AADACL4: variants seen among roughly 807,000 people sequenced by gnomAD.
AADACL4 encodes the protein arylacetamide deacetylase like 4.
AADACL4 carries 9 observed loss-of-function variants against 14.1 expected under a neutral mutation model. The ratio of observed to expected loss-of-function variants is 0.64; its 90% CI spans 0.39 to 1.12. The LOEUF (loss-of-function observed/expected upper bound fraction) is 1.12, where lower values mean the gene tolerates loss of function less well. Among genes scored for constraint, AADACL4 ranks in the 50% most tolerant of loss-of-function variants. AADACL4 has a pLI of 0.01. For missense variants in AADACL4, 531 were observed against 516.1 expected, an observed-to-expected ratio of 1.03 and a Z score of -0.28; for synonymous variants, 188 against 201.6, an observed-to-expected ratio of 0.93 and a Z score of 0.57.
chr1:12,659,296 A>G (rs1647208750), intron 2 of AADACL4, among the ~76,000 whole-genome samples: 1 of 152,192 alleles, frequency 6.6e-6, no homozygotes, highest in Non-Finnish European at 1.5e-5. Flanking sequence ...TCATGATAAC[A>G]CAGGTGGCAT....
At position 12,651,203 on chromosome 1, in the gene AADACL4, G is replaced by T. The variant is rs768757535; in HGVS notation, c.249G>T (p.Lys83Asn). ...RFLHDSVRIKKDPELVVTDLR... is the reference protein window; with the variant it reads ...RFLHDSVRIKNDPELVVTDLR... The stretch of plus-strand genomic sequence containing the variant: ...TACATGATAGCGTGAGAATTAAAAA[G>T]GACCCTGAACTTGTGGTGACCGACC... The change falls in exon 2 of 4, where the codon AAG becomes AAT. Residue 83 changes from lysine (K) to asparagine (N), a missense_variant. By Grantham distance (94) the Lys-to-Asn change is moderately conservative. Coordinates refer to ENST00000376221, the MANE Select transcript of AADACL4 (RefSeq NM_001013630.2). 19 of 1,614,226 alleles carry T rather than the reference G, an allele frequency of 1.2e-5. No individual in the cohort carries two copies. The highest frequency in any genetic ancestry group is 1.6e-5 in the Non-Finnish European group (19 of 1,180,040).
In AADACL4 at chr1:12,644,463, G is replaced by A. The variant is rs74057606; in HGVS notation, c.-84G>A. 30,791 of 1,486,934 alleles carry A rather than the reference G, an allele frequency of 0.021. 640 individuals carry two copies. The highest frequency in any genetic ancestry group is 0.1 in the African/African-American group (7,241 of 71,442). The allele number at this position is 1,486,934 out of a possible 1,614,324, so 92.1% of individuals were successfully genotyped here. The stretch of plus-strand genomic sequence containing the variant: ...CCAGAGAGAGTGAGGTGGAGGAGGC[G>A]GAGGGTGTAACCCAGCCAGGTCCTC... On this transcript the variant is annotated 5_prime_UTR_variant, in exon 1 of 4. Coordinates refer to ENST00000376221, the MANE Select transcript of AADACL4 (RefSeq NM_001013630.2).
intron 2 of AADACL4, among the ~76,000 whole-genome samples, chr1:12,655,248 T>C (rs1447965675): frequency 6.6e-6 from 1 of 152,168 alleles, no homozygotes; most frequent in African/African-American, 2.4e-5. Context: ...CTGTAGTTTT[T>C]GGAGGATAAG....
At chr1:12,647,300 C>T (rs547418731) in intron 1 of AADACL4, among the ~76,000 whole-genome samples, 20 of 152,108 alleles carry the variant, frequency 1.3e-4, no homozygotes, top group Middle Eastern at 6.8e-3. Flanking sequence ...GGTCTTGCTA[C>T]GTTGCCAAGG....
chr1:12,658,139 C>CCTTCCTTCCTTTCTTT (rs1439797569), intron 2 of AADACL4, among the ~76,000 whole-genome samples: 28 of 84,854 alleles, frequency 3.3e-4, no homozygotes, highest in Admixed American at 1.6e-3. Context: ...TTCCTTCCTT[C>CCTTCCTTCCTTTCTTT]CTTTCTTTCT....
intron 1 of AADACL4, 128 bp downstream of exon 1, chr1:12,644,842 T>C (rs1647099856): frequency 9.4e-7 from 1 of 1,065,824 alleles, no homozygotes; most frequent in Non-Finnish European, 1.4e-6. Context: ...GATAGACTTG[T>C]CTCTTCTGTA....
chr1:12,651,909 A>G (rs1360697690), intron 2 of AADACL4, among the ~76,000 whole-genome samples: 1 of 149,964 alleles, frequency 6.7e-6, no homozygotes, highest in African/African-American at 2.5e-5. Context: ...GCTCACTGCA[A>G]GCTGCGCCTC....
At chr1:12,657,696 T>A (rs200858000) in intron 2 of AADACL4, among the ~76,000 whole-genome samples, 2 of 152,072 alleles carry the variant, frequency 1.3e-5, no homozygotes, top group Non-Finnish European at 2.9e-5. Flanking sequence ...TCCTGGAAAA[T>A]GGCGGAGTTT....
chr1:12,666,288 T>C lies in AADACL4; in HGVS notation c.777T>C (p.Ile259=), dbSNP rs1481218063. 3 of 1,614,116 alleles carry C rather than the reference T, an allele frequency of 1.9e-6. No individual in the cohort carries two copies. The highest frequency in any genetic ancestry group is 2.2e-5 in the East Asian group (1 of 44,896). ...MVTSLCNYLA[I]DLSWRDAILN... ...CTTCTCTGTGTAACTATCTGGCCAT[T>C]GACCTCTCCTGGCGTGACGCCATCT... The change falls in exon 4 of 4, where the codon ATT becomes ATC. Residue 259 remains isoleucine, a synonymous_variant. Transcript: ENST00000376221.
At chr1:12,646,795 C>A (rs542868438) in intron 1 of AADACL4, among the ~76,000 whole-genome samples, 18 of 152,302 alleles carry the variant, frequency 1.2e-4, no homozygotes, top group Middle Eastern at 3.4e-3. Context: ...CTTGTGGCGT[C>A]CTCTCTCGAT....
rs745800653 is a variant in AADACL4 at position 12,661,807 on chromosome 1, G to C, written c.402G>C (p.Leu134=). Residue 134 remains leucine (L), a synonymous_variant, in exon 3 of 4, where the codon CTG becomes CTC. Transcript: ENST00000376221. ...VFGSLDCYHG[L]CNYLARETES... ...GTCTTGCAGATTGTTACCATGGCCT[G>C]TGCAATTATCTGGCCCGGGAGACTG... 1.2e-6 allele frequency: 2 copies of C among 1,614,168 alleles called. No homozygotes were observed. The highest frequency in any genetic ancestry group is 8.5e-7 in the Non-Finnish European group (1 of 1,180,030).
chr1:12,651,323 AGTATTTGGGAGCCTGG>A lies in AADACL4; in HGVS notation c.373_385+3del. On this transcript the variant is annotated frameshift_variant and splice_region_variant, in exon 2 of 4. Transcript: ENST00000376221. LOFTEE classifies it high-confidence loss of function. ...TCATCTTCTACCATGGAGGGGCCACAGTATTTGGGAGCCTGGGTAAGGGGCTTCCCTGTGGCTTTGT... is the reference window on the plus strand; with the variant it reads ...TCATCTTCTACCATGGAGGGGCCACAGTAAGGGGCTTCCCTGTGGCTTTGT... 6.2e-7 allele frequency: 1 copy of A among 1,614,172 alleles called. No individual in the cohort carries two copies.
chr1:12,660,081 G>A (rs755459871), intron 2 of AADACL4, among the ~76,000 whole-genome samples: 2 of 152,230 alleles, frequency 1.3e-5, no homozygotes, highest in East Asian at 1.9e-4. Flanking sequence ...GCCTTCCAAA[G>A]TGTTGGGGTT....
At chr1:12,647,103 T>A (rs1647116670) in intron 1 of AADACL4, among the ~76,000 whole-genome samples, 1 of 151,140 alleles carries the variant, frequency 6.6e-6, no homozygotes, top group Admixed American at 6.6e-5. Flanking sequence ...TTTTTTTTTT[T>A]TTTTTTCTGA....
intron 1 of AADACL4, among the ~76,000 whole-genome samples, chr1:12,647,412 T>C (rs1248176300): frequency 1.3e-5 from 2 of 151,986 alleles, no homozygotes; most frequent in African/African-American, 4.8e-5. Flanking sequence ...GGGAGGCTTT[T>C]TATAGGGTGA....
At chr1:12,647,290 G>A (rs990624870) in intron 1 of AADACL4, among the ~76,000 whole-genome samples, 3 of 151,940 alleles carry the variant, frequency 2.0e-5, no homozygotes, top group African/African-American at 7.3e-5. Flanking sequence ...GTACAGATGG[G>A]GTCTTGCTAC....
At chr1:12,645,500 C>T (rs1464049942) in intron 1 of AADACL4, among the ~76,000 whole-genome samples, 3 of 152,112 alleles carry the variant, frequency 2.0e-5, no homozygotes, top group African/African-American at 7.2e-5. Context: ...CAGCCGCGCA[C>T]ACTTTCACCC....
chr1:12,645,286 C>T (rs1182018084), intron 1 of AADACL4, among the ~76,000 whole-genome samples: 1 of 117,044 alleles, frequency 8.5e-6, no homozygotes, highest in African/African-American at 3.2e-5. Context: ...TTCCTTGTTT[C>T]CTTCCTACCT....
chr1:12,665,967 C>A lies in AADACL4; in HGVS notation c.456C>A (p.Arg152=). ...TESVLLMIGY[R]KLPDHHSPAL... ...CTCCCTGTTTTCGTTTTAGGTACCG[C>A]AAGCTTCCTGACCACCATTCCCCTG... Residue 152 remains arginine (R), a synonymous_variant, in exon 4 of 4, where the codon CGC becomes CGA. Transcript: ENST00000376221. 6.2e-7 allele frequency: 1 copy of A among 1,603,732 alleles called. No homozygotes were observed. The highest frequency in any genetic ancestry group is 8.5e-7 in the Non-Finnish European group (1 of 1,173,058).
Sources: gnomAD v4.1 joint callset for allele counts (sites outside exome capture counted in the v4.1 genomes callset) on GRCh38, gnomAD v4.1.1 for gene constraint, MANE v1.5 for transcripts, NCBI Gene and HGNC (gene_info 2026-07-23, HGNC 2026-07-21) for gene names.